SVEP1: variants seen among roughly 807,000 people sequenced by gnomAD.
The protein encoded by SVEP1 is sushi, von Willebrand factor type A, EGF and pentraxin domain-containing protein 1.
In SVEP1, 164 loss-of-function variants were observed where a neutral mutation model predicts 367.3. The ratio of observed to expected loss-of-function variants is 0.45; its 90% confidence interval spans 0.39 to 0.51. The LOEUF (loss-of-function observed/expected upper bound fraction) is 0.51. Ranked by LOEUF, SVEP1 falls within the 20% of genes least tolerant of loss-of-function variation. The pLI is 0.00. For missense variants in SVEP1, 4,117 were observed against 4,425.3 expected, an observed-to-expected ratio of 0.93 and a Z score of 1.98; for synonymous variants, 1,666 against 1,611.6, an observed-to-expected ratio of 1.03 and a Z score of -0.81.
intron 43 of SVEP1, among the ~76,000 whole-genome samples, chr9:110,383,438 G>C (rs1265173836): frequency 3.9e-5 from 6 of 152,090 alleles, no homozygotes; most frequent in African/African-American, 1.4e-4. Flanking sequence ...ATGGCTGCCT[G>C]CTCTTTCCTC....
intron 8 of SVEP1, among the ~76,000 whole-genome samples, chr9:110,492,205 G>A (rs897048100): frequency 2.0e-5 from 3 of 152,096 alleles, no homozygotes; most frequent in Non-Finnish European, 4.4e-5. Context: ...AAAAGTCATG[G>A]TGTGAAGAAC....
rs557332487 is a variant in SVEP1 at position 110,509,930 on chromosome 9, T to A, written c.1303+2996A>T. On this transcript the variant is annotated intron_variant, in intron 5 of 47. Coordinates refer to ENST00000374469, the MANE Select transcript of SVEP1 (RefSeq NM_153366.4). ...TTTGTATTGTGACAAGTTAGTTACA[T>A]TGGGAAATATGTTTGCCAGAATCCC... 2.1e-3 allele frequency among the ~76,000 whole-genome samples: 315 copies of A among 152,316 alleles called. 9 individuals are homozygous for A. In the East Asian group the frequency reaches 0.056, roughly 27 times the overall value.
chr9:110,436,707 T>C (rs537524448), intron 27 of SVEP1, among the ~76,000 whole-genome samples: 17 of 152,318 alleles, frequency 1.1e-4, no homozygotes, highest in African/African-American at 3.8e-4. Flanking sequence ...TAGACAGGAT[T>C]TAGAATGTTG....
intron 18 of SVEP1, among the ~76,000 whole-genome samples, chr9:110,459,995 T>A (rs938871242): frequency 2.0e-5 from 3 of 151,734 alleles, no homozygotes; most frequent in African/African-American, 7.2e-5. Context: ...GCTTTGCCTG[T>A]TAATTTTAAC....
intron 6 of SVEP1, 82 bp from the exon 7 acceptor site, chr9:110,499,320 A>G: frequency 7.8e-7 from 1 of 1,275,450 alleles, no homozygotes; most frequent in Admixed American, 2.3e-5. Context: ...CAAGAAAAAT[A>G]CAATTATGCT....
intron 13 of SVEP1, among the ~76,000 whole-genome samples, chr9:110,477,877 A>G (rs1339407921): frequency 6.6e-6 from 1 of 152,116 alleles, no homozygotes; most frequent in Non-Finnish European, 1.5e-5. Context: ...CTCTCCTCCT[A>G]GAGCCCAAAG....
At chr9:110,383,114 C>T (rs147913120) in intron 43 of SVEP1, among the ~76,000 whole-genome samples, 38 of 152,202 alleles carry the variant, frequency 2.5e-4, no homozygotes, top group African/African-American at 7.2e-4. Context: ...AGAAGTGTTG[C>T]AATCATTTGG....
intron 39 of SVEP1, 117 bp from the exon 40 acceptor site, chr9:110,401,126 C>T (rs527487382): frequency 1.8e-5 from 23 of 1,270,164 alleles, no homozygotes; most frequent in South Asian, 1.7e-4. Context: ...CAAAAGCACC[C>T]AGGGTTTGGT....
chr9:110,512,731 A>C (rs182593234), intron 5 of SVEP1, 195 bp downstream of exon 5: 235 of 679,626 alleles, frequency 3.5e-4, no homozygotes, highest in Non-Finnish European at 5.1e-4. Context: ...AGGGCTATAA[A>C]AGGCGTAGTT....
At chr9:110,572,690 T>C (rs576424697) in intron 1 of SVEP1, among the ~76,000 whole-genome samples, 10 of 149,034 alleles carry the variant, frequency 6.7e-5, no homozygotes, top group African/African-American at 2.2e-4. Context: ...GGCGAAACCT[T>C]GTCTCTACTA....
At chr9:110,399,127 A>C (rs1827817021) in intron 40 of SVEP1, among the ~76,000 whole-genome samples, 1 of 152,224 alleles carries the variant, frequency 6.6e-6, no homozygotes. Flanking sequence ...TGGATTAAGA[A>C]AATGTGGCAT....
chr9:110,450,231 A>G lies in SVEP1; in HGVS notation c.3931T>C (p.Cys1311Arg). ...TTATTTAAGCATGGGTTTGACTGGC[A>G]TTCATTGACTTCTGTTTCACAATGC... ...GLHCETEVNE[C>R]QSNPCLNNAV... Residue 1311 changes from cysteine to arginine, a missense_variant, in exon 24 of 48, where the codon TGC (cysteine) becomes CGC (arginine). This residue lies in a region of SVEP1 where 2,174 missense variants were observed against 2,494.3 expected (regional missense o/e 0.87). Transcript: ENST00000374469. 1 of 1,613,828 alleles carries G rather than the reference A, an allele frequency of 6.2e-7. No individual in the cohort carries two copies. The highest frequency in any genetic ancestry group is 8.5e-7 in the Non-Finnish European group (1 of 1,179,790).
chr9:110,398,196 C>T (rs1474669747), intron 40 of SVEP1, among the ~76,000 whole-genome samples: 2 of 152,072 alleles, frequency 1.3e-5, no homozygotes, highest in South Asian at 2.1e-4. Flanking sequence ...TGCATATCTA[C>T]AACTATCTGA....
At chr9:110,481,788 C>T (rs898801847) in intron 11 of SVEP1, among the ~76,000 whole-genome samples, 1 of 152,160 alleles carries the variant, frequency 6.6e-6, no homozygotes, top group Non-Finnish European at 1.5e-5. Flanking sequence ...TCTCGACTCA[C>T]TGCAGCCTCT....
intron 18 of SVEP1, 65 bp from the exon 19 acceptor site, chr9:110,459,178 AT>A: frequency 6.7e-7 from 1 of 1,499,154 alleles, no homozygotes; most frequent in Non-Finnish European, 9.2e-7. Flanking sequence ...GAAAGAAGTG[AT>A]TTAATCTGTG....
In SVEP1 at chr9:110,549,903, G is replaced by A. The variant is rs1471195904; in HGVS notation, c.733C>T (p.Leu245=). The A allele has an allele frequency of 6.2e-7, 1 of 1,613,936 alleles. No individual in the cohort carries two copies. Among genetic ancestry groups the A allele is most frequent in the Middle Eastern group, 1.6e-4 (1 of 6,062 alleles). Residue 245 remains leucine, a synonymous_variant, in exon 2 of 48, where the codon CTG becomes TTG. Coordinates refer to ENST00000374469, the MANE Select transcript of SVEP1 (RefSeq NM_153366.4). ...TCAAATTCTTCAAAACTGTGTAGCA[G>A]GTAACAGTGCTCCTCCTTTGGGGTG... is the stretch of plus-strand genomic sequence containing the variant. ...ASTPKEEHCY[L]LHSFEEFEAL...
chr9:110,546,327 AG>A, intron 2 of SVEP1, 36 bp from the exon 3 acceptor site: 1 of 1,550,156 alleles, frequency 6.5e-7, no homozygotes, highest in South Asian at 1.2e-5. Flanking sequence ...GATAAAAATG[AG>A]TCACAGTTCA....
Position 110,387,356 on chromosome 9 carries a change from C to T in SVEP1, c.9989G>A (p.Ser3330Asn), listed in dbSNP as rs1827541251. Residue 3330 changes from serine to asparagine, a missense_variant, in exon 42 of 48, where the codon AGT becomes AAT. Physicochemically the swap from Ser to Asn is conservative, Grantham distance 46. Around this residue, in one of 4 missense-constraint regions of SVEP1, gnomAD observed 1,765 missense variants for 1,781.1 expected, o/e 0.99. Coordinates refer to ENST00000374469, the MANE Select transcript of SVEP1 (RefSeq NM_153366.4). Reference sequence around the variant, plus strand: ...GTGTGCCTCAGATGGCCCTTCAAGACTGTAGCCTCTGTTGCAGGAATATAC... The same window carrying T: ...GTGTGCCTCAGATGGCCCTTCAAGATTGTAGCCTCTGTTGCAGGAATATAC... ...NVVYSCNRGY[S>N]LEGPSEAHCT... The T allele has an allele frequency of 6.2e-7, 1 of 1,613,634 alleles. No individual in the cohort carries two copies. The highest frequency in any genetic ancestry group is 1.1e-5 in the South Asian group (1 of 91,048).
At position 110,579,057 on chromosome 9, in the gene SVEP1, G is replaced by T. The variant is rs189717014; in HGVS notation, c.487C>A (p.Arg163=). 2 of 1,549,702 alleles carry T rather than the reference G, an allele frequency of 1.3e-6. No homozygotes were observed. The highest frequency in any genetic ancestry group is 1.4e-5 in the African/African-American group (1 of 73,062). Residue 163 remains arginine (R), a synonymous_variant, in exon 1 of 48, where the codon CGA becomes AGA. Coordinates refer to ENST00000374469, the MANE Select transcript of SVEP1 (RefSeq NM_153366.4). The surrounding 1 kb of genome is among the most constrained non-coding windows in gnomAD (Gnocchi z 5.3). ...LLQEIPAISY[R]GGGTYTKGAF... ...CCCTTGGTGTAGGTGCCGCCACCTCGGTAGGAGATGGCAGGGATCTCTTGG... is the reference window on the plus strand; with the variant it reads ...CCCTTGGTGTAGGTGCCGCCACCTCTGTAGGAGATGGCAGGGATCTCTTGG...
Sources: gnomAD v4.1 joint callset for allele counts (sites outside exome capture counted in the v4.1 genomes callset) on GRCh38, gnomAD v4.1.1 for gene constraint, gnomAD v4.1.1 regional missense constraint, Gnocchi (gnomAD v3.1) non-coding constraint, MANE v1.5 for transcripts, NCBI Gene and HGNC (gene_info 2026-07-23, HGNC 2026-07-21) for gene names.